The following CLOCK variants were observed in gnomAD, a reference collection of about 807,000 sequenced individuals.
The protein encoded by CLOCK is clock circadian regulator, also known as circadian locomoter output cycles protein kaput.
A neutral mutation model predicts 118.4 loss-of-function variants in CLOCK; 43 were observed. The ratio of observed to expected loss-of-function variants is 0.36; its 90% confidence interval spans 0.28 to 0.47. The LOEUF is 0.47. Ranked by LOEUF, CLOCK falls within the 20% of genes least tolerant of loss-of-function variation. CLOCK has a pLI of 1.00. For missense variants in CLOCK, 846 were observed against 999.9 expected, an observed-to-expected ratio of 0.85 and a Z score of 2.08; for synonymous variants, 326 against 339.2, an observed-to-expected ratio of 0.96 and a Z score of 0.43.
intron 1 of CLOCK, among the ~76,000 whole-genome samples, chr4:55,519,348 A>G (rs1729713095): frequency 6.6e-6 from 1 of 152,180 alleles, no homozygotes; most frequent in South Asian, 2.1e-4. Flanking sequence ...CAAGCCACTG[A>G]GCCTGCAGTC....
intron 3 of CLOCK, among the ~76,000 whole-genome samples, chr4:55,488,919 G>A (rs1256731680): frequency 6.6e-6 from 1 of 152,080 alleles, no homozygotes; most frequent in Non-Finnish European, 1.5e-5. Flanking sequence ...TTTTGGTGGA[G>A]ATGGGGTCTC....
chr4:55,445,654 G>C (rs920910111), intron 18 of CLOCK, among the ~76,000 whole-genome samples: 10 of 136,180 alleles, frequency 7.3e-5, no homozygotes, highest in African/African-American at 2.7e-4. Context: ...GCAGTGGTGC[G>C]ATCATGGCTC....
chr4:55,543,155 C>A (rs901553130), intron 1 of CLOCK, among the ~76,000 whole-genome samples: 1 of 152,156 alleles, frequency 6.6e-6, no homozygotes, highest in East Asian at 1.9e-4. Flanking sequence ...TGGGCTCAAG[C>A]CATTCTCCCA....
At chr4:55,448,653 T>A in intron 18 of CLOCK, 126 bp downstream of exon 18, 4 of 547,320 alleles carry the variant, frequency 7.3e-6, no homozygotes, top group Non-Finnish European at 1.4e-5. Flanking sequence ...TGCTCCTACC[T>A]CAGCCTCCCA....
intron 1 of CLOCK, among the ~76,000 whole-genome samples, chr4:55,517,900 C>G (rs976842268): frequency 1.3e-5 from 2 of 151,864 alleles, no homozygotes; most frequent in African/African-American, 2.4e-5. Flanking sequence ...AACAAAATTA[C>G]AAATGTTTTT....
chr4:55,435,169 A>G lies in CLOCK; in HGVS notation c.*246T>C, dbSNP rs1382604698. ...ATATATTCTTTTTCCATCAAAAAAT[A>G]TCCAGGCACCTAAAACACTGTCAGA... On this transcript the variant is annotated 3_prime_UTR_variant, in exon 23 of 23. Transcript: ENST00000513440. 1.9e-6 allele frequency: 1 copy of G among 523,420 alleles called. No homozygotes were observed. Among genetic ancestry groups the G allele is most frequent in the African/African-American group, 1.9e-5 (1 of 52,244 alleles). The allele number at this position is 523,420 out of a possible 1,614,324, so 32.4% of individuals were successfully genotyped here.
intron 1 of CLOCK, among the ~76,000 whole-genome samples, chr4:55,533,771 C>T (rs1730706147): frequency 6.6e-6 from 1 of 152,106 alleles, no homozygotes; most frequent in Non-Finnish European, 1.5e-5. Flanking sequence ...GGCATGGTGG[C>T]ACACGCCTGT....
At chr4:55,470,604 C>T in intron 8 of CLOCK, 113 bp downstream of exon 8, 1 of 719,434 alleles carries the variant, frequency 1.4e-6, no homozygotes. Context: ...AGCTCTGATT[C>T]CTACCCCTTT....
intron 1 of CLOCK, among the ~76,000 whole-genome samples, chr4:55,546,163 G>A (rs1188461267): frequency 6.6e-6 from 1 of 152,172 alleles, no homozygotes; most frequent in Non-Finnish European, 1.5e-5. Context: ...GGCCTAGCGG[G>A]TCCCCAGCGA....
chr4:55,475,048 G>A (rs59578853), intron 7 of CLOCK, among the ~76,000 whole-genome samples: 2,494 of 152,264 alleles, frequency 0.016, 64 homozygotes, highest in African/African-American at 0.058. Context: ...TGATGGATCT[G>A]GGCAAAGTCA....
chr4:55,501,655 C>T (rs1225786547), intron 2 of CLOCK: 1 of 152,232 alleles, frequency 6.6e-6, no homozygotes, highest in African/African-American at 2.4e-5. Context: ...GGAGTTCAAT[C>T]TGTAACGGAC....
At chr4:55,494,253 C>T (rs757331947) in intron 2 of CLOCK, among the ~76,000 whole-genome samples, 1 of 152,114 alleles carries the variant, frequency 6.6e-6, no homozygotes. Flanking sequence ...CATCCTGACA[C>T]CAGCAGGAAG....
intron 2 of CLOCK, among the ~76,000 whole-genome samples, chr4:55,495,755 T>C (rs550092550): frequency 4.5e-4 from 68 of 152,246 alleles, no homozygotes; most frequent in Non-Finnish European, 7.2e-4. Context: ...CTGCTAGTGT[T>C]ACCCCAGAAT....
rs78061907 is a variant in CLOCK, at chr4:55,476,610, G to C, written c.257-556C>G. On this transcript the variant is annotated intron_variant, in intron 6 of 22. Transcript: ENST00000513440. ...TATTTTATGCAAAAACTTTACTACAGTAATATTCCCACAGTGATTTTTCTT... is the reference window on the plus strand; with the variant it reads ...TATTTTATGCAAAAACTTTACTACACTAATATTCCCACAGTGATTTTTCTT... Among the ~76,000 whole-genome samples the C allele has an allele frequency of 5.2e-3, 797 of 152,180 alleles. 4 individuals carry two copies. The highest frequency in any genetic ancestry group is 8.9e-3 in the Non-Finnish European group (604 of 67,982).
rs187651034 is a variant in CLOCK at position 55,526,715 on chromosome 4, G to A, written c.-289-16650C>T. On this transcript the variant is annotated intron_variant, in intron 1 of 22. Transcript: ENST00000513440. ...TGTAATCCCAGCACTTTGGGAGGTC[G>A]AGGTGGTCAGTTCACGAGGTCAGGA... Among the ~76,000 whole-genome samples, 22 of 152,118 alleles carry A rather than the reference G, an allele frequency of 1.4e-4. No individual in the cohort carries two copies. In the East Asian group the frequency reaches 2.7e-3, roughly 19 times the overall value.
At position 55,470,773 on chromosome 4, in the gene CLOCK, C is replaced by G; in HGVS notation, c.382G>C (p.Asp128His). ...LDGFFLAIMT[D>H]GSIIYVSESV... ...TCAGACACATATATTATGCTTCCAT[C>G]TGTCATGATTGCTAAAAAAAAACCA... is the stretch of plus-strand genomic sequence containing the variant. The change falls in exon 8 of 23, where the codon GAT (aspartate) becomes CAT (histidine). Residue 128 changes from aspartate to histidine, a missense_variant. Asp to His is a moderately conservative substitution (Grantham distance 81, BLOSUM62 -1). This residue lies in a region of CLOCK where 246 missense variants were observed against 300.2 expected (regional missense o/e 0.82). Transcript: ENST00000513440. 1 of 1,611,660 alleles carries G rather than the reference C, an allele frequency of 6.2e-7. No individual in the cohort carries two copies. Among genetic ancestry groups the G allele is most frequent in the Non-Finnish European group, 8.5e-7 (1 of 1,178,528 alleles).
chr4:55,535,624 T>G (rs1371652859), intron 1 of CLOCK, among the ~76,000 whole-genome samples: 1 of 152,140 alleles, frequency 6.6e-6, no homozygotes, highest in Non-Finnish European at 1.5e-5. Flanking sequence ...AGGCCAATAT[T>G]CTTGCTAAGA....
intron 21 of CLOCK, among the ~76,000 whole-genome samples, chr4:55,440,981 C>CAA (rs1214995198): frequency 7.0e-6 from 1 of 142,022 alleles, no homozygotes. Context: ...CAAAACAAAA[C>CAA]AAAACACAAC....
At chr4:55,493,459 T>C (rs1369895051) in intron 2 of CLOCK, among the ~76,000 whole-genome samples, 1 of 152,168 alleles carries the variant, frequency 6.6e-6, no homozygotes, top group Non-Finnish European at 1.5e-5. Flanking sequence ...ATACAAAACC[T>C]AAGGAACAAA....
Sources: allele counts gnomAD v4.1 joint callset (sites outside exome capture counted in the v4.1 genomes callset), GRCh38; gene constraint gnomAD v4.1.1; regional missense constraint gnomAD v4.1.1; transcripts MANE v1.5; gene names NCBI Gene and HGNC (gene_info 2026-07-23, HGNC 2026-07-21).